PALM2AKAP2: variants seen among roughly 807,000 people sequenced by gnomAD.
PALM2AKAP2 encodes PALM2-AKAP2 fusion protein.
Under a neutral mutation model 71.5 loss-of-function variants are expected in PALM2AKAP2, and 37 were observed. The ratio of observed to expected loss-of-function variants is 0.52; its 90% CI spans 0.40 to 0.68. The LOEUF (loss-of-function observed/expected upper bound fraction) is 0.68, where lower values mean the gene tolerates loss of function less well. PALM2AKAP2 is among the 30% of genes least tolerant of loss of function. The pLI is 0.00. For synonymous variants in PALM2AKAP2, 468 were observed against 478.8 expected (o/e 0.98, Z 0.29); for missense variants, 1,224 against 1,191.8 (o/e 1.03, Z -0.40).
intron 3 of PALM2AKAP2, among the ~76,000 whole-genome samples, 154 bp downstream of exon 3, chr9:109,880,835 C>T (rs1237909811): frequency 6.6e-6 from 1 of 152,160 alleles, no homozygotes; most frequent in Admixed American, 6.5e-5. Context: ...TTAAACTTTT[C>T]CAGATGACCC....
chr9:109,703,695 A>G (rs1337495517), intron 1 of PALM2AKAP2, among the ~76,000 whole-genome samples: 2 of 151,480 alleles, frequency 1.3e-5, no homozygotes, highest in Non-Finnish European at 3.0e-5. Context: ...GGATGGTGTT[A>G]GTGTGAAAGA....
exon 1 of PALM2AKAP2, chr9:109,640,821 G>A: frequency 1.3e-6 from 2 of 1,512,962 alleles, no homozygotes; most frequent in Non-Finnish European, 8.8e-7. Context: ...GAGCAGCGCC[G>A]GTGAGCCCCG....
intron 3 of PALM2AKAP2, among the ~76,000 whole-genome samples, chr9:110,162,454 G>C (rs1176779287): frequency 6.6e-6 from 1 of 152,198 alleles, no homozygotes; most frequent in African/African-American, 2.4e-5. Context: ...GGTTTTTAAA[G>C]TTTCTTTAGG....
At chr9:110,013,796 C>T (rs78993601) in intron 6 of PALM2AKAP2, among the ~76,000 whole-genome samples, 1,561 of 152,264 alleles carry the variant, frequency 0.01, 25 homozygotes, top group African/African-American at 0.036. Flanking sequence ...TATTAATTTA[C>T]TTAAAGCATC....
intron 1 of PALM2AKAP2, among the ~76,000 whole-genome samples, chr9:109,716,758 A>G (rs1564123288): frequency 6.6e-6 from 1 of 152,224 alleles, no homozygotes; most frequent in Non-Finnish European, 1.5e-5. Context: ...AGGTGAGCCT[A>G]ACCAATGATC....
At chr9:110,118,645 G>C (rs903160510) in intron 1 of PALM2AKAP2, among the ~76,000 whole-genome samples, 3 of 152,072 alleles carry the variant, frequency 2.0e-5, no homozygotes, top group Non-Finnish European at 2.9e-5. Flanking sequence ...CTGTCTCTCT[G>C]TATTTTTTAA....
intron 1 of PALM2AKAP2, among the ~76,000 whole-genome samples, chr9:109,711,276 G>C (rs184758840): frequency 6.6e-6 from 1 of 152,114 alleles, no homozygotes; most frequent in Admixed American, 6.5e-5. Context: ...GAAGCATAGA[G>C]ACATTCTATG....
intron 1 of PALM2AKAP2, among the ~76,000 whole-genome samples, chr9:110,108,837 T>A (rs1484325426): frequency 1.3e-5 from 2 of 152,068 alleles, no homozygotes; most frequent in African/African-American, 2.4e-5. Flanking sequence ...CCCCTGCATT[T>A]AAAAAAAAAT....
intron 1 of PALM2AKAP2, among the ~76,000 whole-genome samples, chr9:109,845,927 T>C (rs1262663010): frequency 6.6e-6 from 1 of 152,100 alleles, no homozygotes; most frequent in Non-Finnish European, 1.5e-5. Context: ...AGCAGGACAA[T>C]CAAAAAGTCT....
chr9:109,838,561 A>G (rs1307841724), intron 1 of PALM2AKAP2, among the ~76,000 whole-genome samples: 3 of 152,170 alleles, frequency 2.0e-5, no homozygotes, highest in Admixed American at 6.5e-5. Context: ...GACATAAAAA[A>G]CCCTTCAAAA....
intron 1 of PALM2AKAP2, among the ~76,000 whole-genome samples, chr9:110,111,597 G>T (rs2118942753): frequency 6.6e-6 from 1 of 152,292 alleles, no homozygotes; most frequent in East Asian, 1.9e-4. Flanking sequence ...ACGGCAAAAT[G>T]AATTGCTAAG....
chr9:109,783,183 G>T (rs997107158), intron 1 of PALM2AKAP2, among the ~76,000 whole-genome samples: 19 of 152,158 alleles, frequency 1.2e-4, no homozygotes, highest in African/African-American at 4.6e-4. Context: ...GTAAGGTTTA[G>T]TTAGGATGGA....
chr9:109,921,504 C>G (rs1830829083), intron 3 of PALM2AKAP2, among the ~76,000 whole-genome samples: 1 of 152,164 alleles, frequency 6.6e-6, no homozygotes, highest in African/African-American at 2.4e-5. Flanking sequence ...CAGTTGAGAG[C>G]CACTGCTCTA....
At chr9:110,016,247 C>T (rs376475246) in intron 7 of PALM2AKAP2, among the ~76,000 whole-genome samples, 6 of 152,116 alleles carry the variant, frequency 3.9e-5, no homozygotes, top group East Asian at 3.8e-4. Flanking sequence ...TGAATATGCC[C>T]GACCTCGTCT....
upstream of PALM2AKAP2, among the ~76,000 whole-genome samples, chr9:109,776,046 T>C (rs949749206): frequency 6.6e-6 from 1 of 152,242 alleles, no homozygotes; most frequent in Non-Finnish European, 1.5e-5. Flanking sequence ...TTGTGATGTA[T>C]ATATCCAGAT....
intron 6 of PALM2AKAP2, among the ~76,000 whole-genome samples, chr9:110,001,446 G>C (rs1013429161): frequency 1.8e-4 from 28 of 152,178 alleles, no homozygotes; most frequent in African/African-American, 6.5e-4. Context: ...GTCAGGTAGC[G>C]TGACGCCTCC....
chr9:109,756,115 C>T (rs1234971623), intron 1 of PALM2AKAP2, among the ~76,000 whole-genome samples: 1 of 152,108 alleles, frequency 6.6e-6, no homozygotes, highest in African/African-American at 2.4e-5. Flanking sequence ...ATTCACATCA[C>T]CAAATGGTTC....
At chr9:109,722,090 G>A (rs190830199) in intron 1 of PALM2AKAP2, among the ~76,000 whole-genome samples, 44 of 152,208 alleles carry the variant, frequency 2.9e-4, no homozygotes, top group African/African-American at 1.0e-3. Flanking sequence ...ATTTATTGTA[G>A]CATTATATGT....
chr9:109,773,625 A>G (rs1485829764), intron 1 of PALM2AKAP2, among the ~76,000 whole-genome samples: 1 of 152,230 alleles, frequency 6.6e-6, no homozygotes, highest in Non-Finnish European at 1.5e-5. Flanking sequence ...TTCCCAGTTT[A>G]CAGATGGAAA....
Sources: allele counts gnomAD v4.1 joint callset (sites outside exome capture counted in the v4.1 genomes callset), GRCh38; gene constraint gnomAD v4.1.1; transcripts MANE v1.5; gene names NCBI Gene and HGNC (gene_info 2026-07-23, HGNC 2026-07-21).